The following RPH3AL variants were observed in gnomAD, a reference collection of about 807,000 sequenced individuals.
RPH3AL encodes rabphilin 3A like (without C2 domains).
A neutral mutation model predicts 43.1 loss-of-function variants in RPH3AL; 38 were observed. The ratio of observed to expected loss-of-function variants is 0.88; its 90% CI spans 0.68 to 1.15. The LOEUF is 1.15. Ranked by LOEUF, RPH3AL falls within the 50% of genes most tolerant of loss-of-function variation. The pLI, the probability that RPH3AL is intolerant of heterozygous loss-of-function variation, is 0.00. For missense variants in RPH3AL, 462 were observed against 423.2 expected, an observed-to-expected ratio of 1.09 and a Z score of -0.81; for synonymous variants, 189 against 176.3, an observed-to-expected ratio of 1.07 and a Z score of -0.57.
rs533146052 is a variant in RPH3AL at position 250,153 on chromosome 17, T to A, written c.439-2868A>T. 4.8e-5 allele frequency among the ~76,000 whole-genome samples: 7 copies of A among 146,872 alleles called. No individual in the cohort carries two copies. The East Asian group carries it at 1.5e-3, about 31-fold the overall frequency. ...CTCTCGGAGCCTTTACTAAGCTCCA[T>A]CGCTGCGGGACCTCTCAGAGCCTTT... On this transcript the variant is annotated intron_variant, in intron 6 of 9. Coordinates refer to ENST00000331302, the MANE Select transcript of RPH3AL (RefSeq NM_006987.4).
intron 5 of RPH3AL, among the ~76,000 whole-genome samples, chr17:295,520 AAG>A (rs1491279230): frequency 8.7e-3 from 409 of 46,802 alleles, no homozygotes; most frequent in East Asian, 0.022. Flanking sequence ...CAGAAATGGA[AAG>A]CAGAGGGAAT....
intron 7 of RPH3AL, among the ~76,000 whole-genome samples, chr17:228,066 G>A (rs1420240897): frequency 6.6e-6 from 1 of 152,068 alleles, no homozygotes; most frequent in Non-Finnish European, 1.5e-5. Context: ...AAGTCCCACT[G>A]AGATGTCTCC....
intron 5 of RPH3AL, among the ~76,000 whole-genome samples, chr17:314,495 T>TCTGCCCCCACCTCC (rs2043798091): frequency 6.9e-6 from 1 of 144,520 alleles, no homozygotes; most frequent in Admixed American, 7.1e-5. Flanking sequence ...CTGTAGTCCC[T>TCTGCCCCCACCTCC]ATACTCCACG....
chr17:312,340 T>C (rs1357945442), intron 5 of RPH3AL, among the ~76,000 whole-genome samples: 2 of 151,876 alleles, frequency 1.3e-5, no homozygotes, highest in Non-Finnish European at 2.9e-5. Flanking sequence ...ACTAGAGCCC[T>C]CTCCTCCTGC....
intron 6 of RPH3AL, among the ~76,000 whole-genome samples, chr17:253,351 G>C (rs1310216348): frequency 2.0e-5 from 3 of 152,150 alleles, no homozygotes; most frequent in Admixed American, 1.3e-4. Context: ...TTCAGGGGAA[G>C]AGACTAAGAC....
rs943851785 is a variant in RPH3AL, at chr17:245,086, AGT to A, written c.613+2023_613+2024del. Among the ~76,000 whole-genome samples the A allele has an allele frequency of 1.4e-5, 2 of 146,588 alleles. No homozygotes were observed. Among genetic ancestry groups the A allele is most frequent in the South Asian group, 2.2e-4 (1 of 4,500 alleles). On this transcript the variant is annotated intron_variant, in intron 7 of 9. Transcript: ENST00000331302. The surrounding 1 kb of genome is among the most constrained non-coding windows in gnomAD (Gnocchi z 5.9). ...GTGTGTGCATAAATGTGCATGCGCA[AGT>A]GTGTGTAGACGTGTGTGTACATGTG...
At chr17:235,486 T>A in intron 7 of RPH3AL, among the ~76,000 whole-genome samples, 1 of 141,962 alleles carries the variant, frequency 7.0e-6, no homozygotes, top group Non-Finnish European at 1.5e-5. Context: ...GGCTCTGCAC[T>A]AACAAGACGG....
chr17:298,272 G>A (rs556235918), intron 5 of RPH3AL, among the ~76,000 whole-genome samples: 31 of 152,024 alleles, frequency 2.0e-4, no homozygotes, highest in African/African-American at 4.8e-4. Context: ...GCCCTCCCCC[G>A]ACCCCAATCT....
At chr17:315,740 CTG>C (rs1362650073) in intron 5 of RPH3AL, among the ~76,000 whole-genome samples, 2 of 152,042 alleles carry the variant, frequency 1.3e-5, no homozygotes, top group African/African-American at 4.8e-5. Flanking sequence ...CCCGTAGTCT[CTG>C]TGCTCCACAT....
intron 2 of RPH3AL, chr17:332,596 A>G (rs1237012141): frequency 5.6e-6 from 1 of 177,662 alleles, no homozygotes; most frequent in Non-Finnish European, 1.2e-5. Context: ...TTCCCAGACA[A>G]GGAAGAATTC....
At chr17:237,992 A>AG (rs2041440342) in intron 7 of RPH3AL, among the ~76,000 whole-genome samples, 1 of 19,710 alleles carries the variant, frequency 5.1e-5, no homozygotes, top group African/African-American at 4.4e-4. Context: ...CTACAGATAC[A>AG]AAAAAATTAG....
chr17:250,861 G>A (rs2041886783), intron 6 of RPH3AL, among the ~76,000 whole-genome samples: 1 of 149,044 alleles, frequency 6.7e-6, no homozygotes. Flanking sequence ...ACCTCTCAGA[G>A]CCTAAGCTCC....
chr17:221,383 C>T, intron 7 of RPH3AL, among the ~76,000 whole-genome samples: 1 of 141,302 alleles, frequency 7.1e-6, no homozygotes, highest in Middle Eastern at 5.0e-3. Context: ...CTCACTGAGA[C>T]AACAGACCCA....
chr17:349,633 G>A lies in RPH3AL; in HGVS notation c.-213+3079C>T, dbSNP rs137995860. ...GGCCAGGAGTTCGAGACCAACCTGG[G>A]CAATGTAGCAAGACCCCATCTCTAT... On this transcript the variant is annotated intron_variant, in intron 1 of 9. Transcript: ENST00000331302. 1.9e-4 allele frequency among the ~76,000 whole-genome samples: 29 copies of A among 149,310 alleles called. No homozygotes were observed. In the East Asian group the frequency reaches 5.8e-3, roughly 30 times the overall value.
At chr17:345,606 G>A (rs1567541308) in intron 1 of RPH3AL, among the ~76,000 whole-genome samples, 1 of 132,722 alleles carries the variant, frequency 7.5e-6, no homozygotes, top group Non-Finnish European at 1.7e-5. Flanking sequence ...CTGAGAAGTG[G>A]GTGCCTGCTG....
In RPH3AL at chr17:327,447, G is replaced by T. The variant is rs372206554; in HGVS notation, c.77+20C>A. 3.7e-5 allele frequency: 59 copies of T among 1,611,756 alleles called. No homozygotes were observed. The African/African-American group carries it at 6.5e-4, about 18-fold the overall frequency. On this transcript the variant is annotated intron_variant, in intron 3 of 9. Transcript: ENST00000331302. ...GAGGCAGAAGGAAGGGACGGCCTGG[G>T]GGGCCCCAGAGGTACTCACTTGGCT...
chr17:298,627 C>A (rs922922407), intron 5 of RPH3AL, among the ~76,000 whole-genome samples: 1 of 151,846 alleles, frequency 6.6e-6, no homozygotes, highest in East Asian at 1.9e-4. Context: ...ATCACTTGAA[C>A]CCGGGAGGCG....
rs186311256 is a variant in RPH3AL, at chr17:264,848, G to A, written c.438+16920C>T. 1.8e-3 allele frequency among the ~76,000 whole-genome samples: 272 copies of A among 152,306 alleles called. 2 individuals carry two copies. Among genetic ancestry groups the A allele is most frequent in the Middle Eastern group, 6.8e-3 (2 of 294 alleles). Reference sequence around the variant, plus strand: ...TAAACATCTCAAGAATGGGGAACTCGTGGTACCTGAAAATTCACAGTGGTC... The same window carrying A: ...TAAACATCTCAAGAATGGGGAACTCATGGTACCTGAAAATTCACAGTGGTC... On this transcript the variant is annotated intron_variant, in intron 6 of 9. Coordinates refer to ENST00000331302, the MANE Select transcript of RPH3AL (RefSeq NM_006987.4). This position sits in a 1 kb window ranked among gnomAD's most constrained non-coding sequence, Gnocchi z 4.8.
chr17:351,668 C>T (rs750074057), intron 1 of RPH3AL, among the ~76,000 whole-genome samples: 5 of 152,108 alleles, frequency 3.3e-5, no homozygotes, highest in Admixed American at 2.6e-4. Flanking sequence ...ACGTGGCTCC[C>T]GTACGATTCT....
Sources: allele counts gnomAD v4.1 joint callset (sites outside exome capture counted in the v4.1 genomes callset), GRCh38; gene constraint gnomAD v4.1.1; non-coding constraint Gnocchi (gnomAD v3.1); transcripts MANE v1.5; gene names NCBI Gene and HGNC (gene_info 2026-07-23, HGNC 2026-07-21).